Variants in ATP6V1H observed in about 807,000 individuals in gnomAD.
ATP6V1H encodes V-type proton ATPase subunit H.
A neutral mutation model predicts 71.7 loss-of-function variants in ATP6V1H; 39 were observed. That is an observed-to-expected ratio of 0.54 (90% CI 0.42 to 0.71). The LOEUF is 0.71. ATP6V1H is among the 30% of genes least tolerant of loss of function. The pLI is 0.00. For synonymous variants in ATP6V1H, 192 were observed against 199.3 expected (o/e 0.96, Z 0.31); for missense variants, 509 against 594.9 (o/e 0.86, Z 1.50).
At position 53,790,275 on chromosome 8, in the gene ATP6V1H, T is replaced by A. The variant is rs145801655; in HGVS notation, c.870+5372A>T. ...GCAATTCCCTTGTAAATAACACACT[T>A]GCGTTCCAAAAGACTTTTCACTATT... On this transcript the variant is annotated intron_variant, in intron 9 of 13. Transcript: ENST00000359530. Among the ~76,000 whole-genome samples the A allele has an allele frequency of 2.2e-3, 338 of 152,318 alleles. 2 individuals carry two copies. The highest frequency in any genetic ancestry group is 7.9e-3 in the African/African-American group (327 of 41,568).
At chr8:53,832,009 T>C (rs574490963) in intron 3 of ATP6V1H, 1 of 152,290 alleles carries the variant, frequency 6.6e-6, no homozygotes, top group East Asian at 1.9e-4. Flanking sequence ...TTTAGATCAT[T>C]ATGGTTCATC....
chr8:53,743,515 T>C (rs1807488875), intron 13 of ATP6V1H, 62 bp downstream of exon 13: 3 of 1,209,048 alleles, frequency 2.5e-6, no homozygotes, highest in Non-Finnish European at 3.7e-6. Context: ...TAAGAACTTT[T>C]AGAATGGCAA....
intron 6 of ATP6V1H, 136 bp from the exon 7 acceptor site, chr8:53,811,353 C>G (rs976391455): frequency 6.3e-6 from 4 of 638,212 alleles, no homozygotes; most frequent in African/African-American, 1.8e-5. Context: ...TATTCCTAAT[C>G]CTACTAAATA....
At chr8:53,823,033 G>T (rs1810710073) in intron 4 of ATP6V1H, among the ~76,000 whole-genome samples, 1 of 151,760 alleles carries the variant, frequency 6.6e-6, no homozygotes, top group Non-Finnish European at 1.5e-5. Context: ...TTTATAAGGG[G>T]GAGACGTTTA....
At chr8:53,777,293 A>G (rs1411639831) in intron 9 of ATP6V1H, among the ~76,000 whole-genome samples, 2 of 152,206 alleles carry the variant, frequency 1.3e-5, no homozygotes, top group African/African-American at 4.8e-5. Flanking sequence ...TCAGAAAACC[A>G]AATATAGTAA....
chr8:53,804,222 A>G lies in ATP6V1H; in HGVS notation c.580-2326T>C, dbSNP rs182801477. On this transcript the variant is annotated intron_variant, in intron 7 of 13. Coordinates refer to ENST00000359530, the MANE Select transcript of ATP6V1H (RefSeq NM_015941.4). ...ATTAAATTATTGCCTTCAATTACGC[A>G]AAGTAGAGTGCATTACTTCCTGGTC... Among the ~76,000 whole-genome samples the G allele has an allele frequency of 2.5e-3, 388 of 152,360 alleles. 5 individuals carry two copies. The highest frequency in any genetic ancestry group is 9.0e-3 in the African/African-American group (374 of 41,592).
At chr8:53,752,336 T>C (rs1052428152) in intron 12 of ATP6V1H, among the ~76,000 whole-genome samples, 9 of 152,192 alleles carry the variant, frequency 5.9e-5, no homozygotes, top group African/African-American at 2.2e-4. Context: ...AACACTCTAT[T>C]TTCTTGCTTT....
chr8:53,759,611 A>T (rs1041619315), intron 11 of ATP6V1H, among the ~76,000 whole-genome samples: 15 of 152,374 alleles, frequency 9.8e-5, no homozygotes, highest in Middle Eastern at 3.4e-3. Flanking sequence ...CATCTGTTCA[A>T]ATCAAATTAG....
Position 53,769,340 on chromosome 8 carries a change from T to C in ATP6V1H, c.1175+278A>G, listed in dbSNP as rs531061769. Among the ~76,000 whole-genome samples the C allele has an allele frequency of 9.9e-5, 15 of 152,102 alleles. No individual in the cohort carries two copies. In the South Asian group the frequency reaches 3.1e-3, roughly 32 times the overall value. On this transcript the variant is annotated intron_variant, in intron 11 of 13. Coordinates refer to ENST00000359530, the MANE Select transcript of ATP6V1H (RefSeq NM_015941.4). ...GGCATGCAACAGAGTGGGGACAAAA[T>C]GGCTGTGATGAAAATATATATATGA...
intron 7 of ATP6V1H, among the ~76,000 whole-genome samples, chr8:53,809,406 A>G (rs2130458259): frequency 6.6e-6 from 1 of 152,326 alleles, no homozygotes; most frequent in South Asian, 2.1e-4. Context: ...ACAGCCATCT[A>G]AAAAAGTAAG....
At chr8:53,728,087 T>C (rs543010854) in intron 13 of ATP6V1H, among the ~76,000 whole-genome samples, 13 of 152,376 alleles carry the variant, frequency 8.5e-5, no homozygotes, top group Non-Finnish European at 1.9e-4. Context: ...GCCTTTGAAC[T>C]TGCCACGCAG....
At chr8:53,747,743 A>G (rs555733122) in intron 12 of ATP6V1H, among the ~76,000 whole-genome samples, 1 of 151,970 alleles carries the variant, frequency 6.6e-6, no homozygotes, top group African/African-American at 2.4e-5. Context: ...GGGTTCCACC[A>G]TACTGGCCAG....
At chr8:53,812,443 T>C (rs930728667) in intron 6 of ATP6V1H, among the ~76,000 whole-genome samples, 1 of 152,184 alleles carries the variant, frequency 6.6e-6, no homozygotes, top group African/African-American at 2.4e-5. Context: ...ATGAGAGAAA[T>C]ATTCCTCCCA....
chr8:53,784,735 A>G (rs372253269), intron 9 of ATP6V1H, among the ~76,000 whole-genome samples: 223 of 152,032 alleles, frequency 1.5e-3, no homozygotes, highest in African/African-American at 5.1e-3. Context: ...CAGGCCTGGT[A>G]GTGACAAAAT....
At chr8:53,721,719 C>T (rs1434198426) in intron 13 of ATP6V1H, among the ~76,000 whole-genome samples, 4 of 152,152 alleles carry the variant, frequency 2.6e-5, no homozygotes, top group Admixed American at 2.0e-4. Context: ...CATTATTCTA[C>T]CTCTCACTGG....
intron 6 of ATP6V1H, among the ~76,000 whole-genome samples, chr8:53,813,238 T>C (rs896797287): frequency 2.3e-4 from 35 of 152,262 alleles, no homozygotes; most frequent in African/African-American, 8.2e-4. Flanking sequence ...CCAGTTAAAA[T>C]TGATGCTATT....
rs369445295 is a variant in ATP6V1H, at chr8:53,730,707, A to C, written c.1391+12870T>G. ...ACACATACAAATGCAGCATAATGTC[A>C]AAGCTGGTGACTACAGATGAAAGCA... On this transcript the variant is annotated intron_variant, in intron 13 of 13. Coordinates refer to ENST00000359530, the MANE Select transcript of ATP6V1H (RefSeq NM_015941.4). Among the ~76,000 whole-genome samples the C allele has an allele frequency of 2.0e-5, 3 of 152,342 alleles. No homozygotes were observed. The South Asian group carries it at 6.2e-4, about 32-fold the overall frequency.
intron 7 of ATP6V1H, among the ~76,000 whole-genome samples, chr8:53,805,533 G>A (rs1810052712): frequency 6.6e-6 from 1 of 152,044 alleles, no homozygotes; most frequent in Admixed American, 6.5e-5. Context: ...TGTCAGTAAA[G>A]AACTGAAACA....
chr8:53,779,680 C>T (rs1809027663), intron 9 of ATP6V1H, among the ~76,000 whole-genome samples: 1 of 151,952 alleles, frequency 6.6e-6, no homozygotes. Flanking sequence ...AACTCTTCCC[C>T]TCTTCCTTTC....
Sources: gnomAD v4.1 joint callset for allele counts (sites outside exome capture counted in the v4.1 genomes callset) on GRCh38, gnomAD v4.1.1 for gene constraint, MANE v1.5 for transcripts, NCBI Gene and HGNC (gene_info 2026-07-23, HGNC 2026-07-21) for gene names.